CELF4: variants seen among roughly 807,000 people sequenced by gnomAD.
CELF4 encodes the protein CUG-BP- and ETR-3-like factor 4.
CELF4 carries 18 observed loss-of-function variants against 59.9 expected under a neutral mutation model. That is an observed-to-expected ratio of 0.30 (90% CI 0.21 to 0.45). CELF4 has a LOEUF of 0.45. Among genes scored for constraint, CELF4 ranks in the 20% least tolerant of loss-of-function variants. The probability of loss-of-function intolerance (pLI) is 1.00; values close to 1 mark genes in which losing one functional copy is unlikely to be tolerated. For synonymous variants in CELF4, 261 were observed against 267.1 expected, an observed-to-expected ratio of 0.98 and a Z score of 0.22; for missense variants, 456 against 689.0, an observed-to-expected ratio of 0.66 and a Z score of 3.79.
chr18:37,563,706 C>T (rs1603644302), intron 1 of CELF4, among the ~76,000 whole-genome samples: 1 of 152,156 alleles, frequency 6.6e-6, no homozygotes, highest in Non-Finnish European at 1.5e-5. Context: ...TGCCTTCTCT[C>T]TCCATTACAG....
In CELF4 at chr18:37,254,531, C is replaced by G. The variant is rs554459004; in HGVS notation, c.1334-593G>C. Among the ~76,000 whole-genome samples, 254 of 152,212 alleles carry G rather than the reference C, an allele frequency of 1.7e-3. No individual in the cohort carries two copies. The highest frequency in any genetic ancestry group is 2.8e-3 in the Non-Finnish European group (192 of 67,966). On this transcript the variant is annotated intron_variant, in intron 11 of 12. Transcript: ENST00000420428. The surrounding 1 kb of genome is among the most constrained non-coding windows in gnomAD (Gnocchi z 5.1). Reference sequence around the variant, plus strand: ...TGAGCCCTCGCGGGCCCTCCGCCCCCACTCCCGGCCTCTGCCCGCCCCGCC... The same window carrying G: ...TGAGCCCTCGCGGGCCCTCCGCCCCGACTCCCGGCCTCTGCCCGCCCCGCC...
intron 3 of CELF4, among the ~76,000 whole-genome samples, chr18:37,295,038 G>A (rs1377190134): frequency 6.6e-6 from 1 of 152,202 alleles, no homozygotes; most frequent in Non-Finnish European, 1.5e-5. Context: ...TCTGGACCAT[G>A]TAGGTGAACT....
rs148578725 is a variant in CELF4, at chr18:37,337,194, G to A, written c.370-15313C>T. On this transcript the variant is annotated intron_variant, in intron 2 of 12. Transcript: ENST00000420428. ...CTGGTGAGCAGGACAGGAAGCTAACGGTGTGGGCCCAACTGGCCTGGGCTC... is the reference window on the plus strand; with the variant it reads ...CTGGTGAGCAGGACAGGAAGCTAACAGTGTGGGCCCAACTGGCCTGGGCTC... Among the ~76,000 whole-genome samples, 1,017 of 152,256 alleles carry A rather than the reference G, an allele frequency of 6.7e-3. 14 individuals carry two copies. Among genetic ancestry groups the A allele is most frequent in the African/African-American group, 0.023 (948 of 41,544 alleles).
chr18:37,464,304 A>C (rs1191104374), intron 2 of CELF4, among the ~76,000 whole-genome samples: 2 of 152,152 alleles, frequency 1.3e-5, no homozygotes, highest in South Asian at 2.1e-4. Flanking sequence ...TGAAATGTAG[A>C]TCGCATCTGT....
intron 1 of CELF4, among the ~76,000 whole-genome samples, chr18:37,494,329 A>G (rs768958844): frequency 1.3e-5 from 2 of 152,208 alleles, no homozygotes; most frequent in African/African-American, 2.4e-5. Flanking sequence ...ATCTATGGTC[A>G]GGGCTGATGG....
At chr18:37,288,264 G>A (rs777185632) in intron 3 of CELF4, among the ~76,000 whole-genome samples, 75 of 152,214 alleles carry the variant, frequency 4.9e-4, no homozygotes, top group Non-Finnish European at 8.2e-4. Flanking sequence ...CTTCCTGCGC[G>A]GAGGGATGTC....
chr18:37,565,330 A>G (rs976221247), intron 1 of CELF4, 26 bp downstream of exon 1: 1 of 1,462,204 alleles, frequency 6.8e-7, no homozygotes, highest in Non-Finnish European at 9.1e-7. Context: ...CTCCCCGGCA[A>G]AGTTGGGAGG....
intron 2 of CELF4, among the ~76,000 whole-genome samples, chr18:37,340,363 G>T (rs1275341511): frequency 2.0e-5 from 3 of 152,222 alleles, no homozygotes; most frequent in Non-Finnish European, 4.4e-5. Flanking sequence ...AATGTCACTG[G>T]GGTACCCAGA....
At chr18:37,308,449 G>C (rs72883671) in intron 3 of CELF4, among the ~76,000 whole-genome samples, 1 of 152,214 alleles carries the variant, frequency 6.6e-6, no homozygotes, top group South Asian at 2.1e-4. Flanking sequence ...CTGCTCCAGC[G>C]GGCACAGGCC....
At chr18:37,545,723 C>T (rs2099981096) in intron 1 of CELF4, among the ~76,000 whole-genome samples, 1 of 150,586 alleles carries the variant, frequency 6.6e-6, no homozygotes, top group South Asian at 2.1e-4. Context: ...CCGTCTCTCT[C>T]TCTCACTCTC....
At chr18:37,513,273 A>G (rs2099946627) in intron 1 of CELF4, among the ~76,000 whole-genome samples, 1 of 152,074 alleles carries the variant, frequency 6.6e-6, no homozygotes, top group South Asian at 2.1e-4. Context: ...AGTTCTGCCA[A>G]CTCTAATGGT....
intron 1 of CELF4, among the ~76,000 whole-genome samples, chr18:37,524,756 A>G (rs1442395646): frequency 6.6e-6 from 1 of 152,172 alleles, no homozygotes; most frequent in Non-Finnish European, 1.5e-5. Flanking sequence ...TCCCCAGCCG[A>G]ACATCCCCCG....
chr18:37,311,246 T>G (rs894292284), intron 3 of CELF4, among the ~76,000 whole-genome samples: 5 of 152,170 alleles, frequency 3.3e-5, no homozygotes, highest in Non-Finnish European at 2.9e-5. Context: ...TTGCAGTTAA[T>G]TATATTTTCG....
intron 2 of CELF4, among the ~76,000 whole-genome samples, chr18:37,442,662 A>C (rs2099735876): frequency 6.6e-6 from 1 of 152,188 alleles, no homozygotes; most frequent in African/African-American, 2.4e-5. Context: ...TTTCCAATAC[A>C]AGGAAACAGA....
At chr18:37,358,746 A>T (rs2098648798) in intron 2 of CELF4, among the ~76,000 whole-genome samples, 1 of 152,230 alleles carries the variant, frequency 6.6e-6, no homozygotes, top group Admixed American at 6.5e-5. Flanking sequence ...GCAGGCTCCA[A>T]GAGGGCACAC....
At chr18:37,468,009 AGT>A (rs2099812958) in intron 2 of CELF4, among the ~76,000 whole-genome samples, 1 of 152,086 alleles carries the variant, frequency 6.6e-6, no homozygotes, top group South Asian at 2.1e-4. Context: ...TTGAGTGATG[AGT>A]GTGCAGCTGC....
chr18:37,480,139 C>A (rs1031733098), intron 2 of CELF4, among the ~76,000 whole-genome samples: 16 of 152,174 alleles, frequency 1.1e-4, no homozygotes, highest in African/African-American at 3.9e-4. Context: ...TGCTTTGTTG[C>A]AGCAGTCCCA....
At chr18:37,429,747 A>G (rs11874035) in intron 2 of CELF4, among the ~76,000 whole-genome samples, 58,710 of 151,784 alleles carry the variant, frequency 0.39, 11,595 homozygotes, top group South Asian at 0.51. Flanking sequence ...TGATGAGGCT[A>G]GGGCTTCCGT....
chr18:37,257,823 G>A (rs1469504108), intron 11 of CELF4, among the ~76,000 whole-genome samples: 1 of 152,110 alleles, frequency 6.6e-6, no homozygotes, highest in Admixed American at 6.6e-5. Flanking sequence ...GGACTCTTCA[G>A]TCCTCATGAC....
Sources: gnomAD v4.1 joint callset for allele counts (sites outside exome capture counted in the v4.1 genomes callset) on GRCh38, gnomAD v4.1.1 for gene constraint, Gnocchi (gnomAD v3.1) non-coding constraint, MANE v1.5 for transcripts, NCBI Gene and HGNC (gene_info 2026-07-23, HGNC 2026-07-21) for gene names.